The following ABCA13 variants were observed in gnomAD, a reference collection of about 807,000 sequenced individuals.
ABCA13 encodes the protein ATP binding cassette subfamily A member 13, also known as ATP-binding cassette sub-family A member 13.
Under a neutral mutation model 478.7 loss-of-function variants are expected in ABCA13, and 476 were observed. The ratio of observed to expected loss-of-function variants is 0.99; its 90% CI spans 0.92 to 1.07. The LOEUF (loss-of-function observed/expected upper bound fraction) is 1.07, where lower values mean the gene tolerates loss of function less well. Among genes scored for constraint, ABCA13 ranks in the 50% least tolerant of loss-of-function variants. The pLI is 0.00. For synonymous variants in ABCA13, 2,252 were observed against 2,158.9 expected (o/e 1.04, Z -1.20); for missense variants, 6,060 against 5,910.6 (o/e 1.03, Z -0.83).
intron 23 of ABCA13, among the ~76,000 whole-genome samples, chr7:48,308,916 G>A (rs1801321249): frequency 2.0e-5 from 3 of 147,516 alleles, no homozygotes; most frequent in Admixed American, 7.0e-5. Context: ...GCCAAGGTAT[G>A]TAGGAGGCTG....
In ABCA13 at chr7:48,288,048, A is replaced by AG. The variant is rs774809553; in HGVS notation, c.8929dup (p.Val2977GlyfsTer12). 3 of 1,613,872 alleles carry AG rather than the reference A, an allele frequency of 1.9e-6. No individual in the cohort carries two copies. Among genetic ancestry groups the AG allele is most frequent in the Non-Finnish European group, 2.5e-6 (3 of 1,179,886 alleles). On this transcript the variant is annotated frameshift_variant, in exon 20 of 62. Coordinates refer to ENST00000435803, the MANE Select transcript of ABCA13 (RefSeq NM_152701.5). LOFTEE classifies it high-confidence loss of function. ...GGCATCTCATTTTATCTGCTATACA[A>AG]GGGGTCACTTTGGCGCAGGACCACT...
chr7:48,596,585 C>T lies in ABCA13; in HGVS notation c.14744+1772C>T, dbSNP rs372021015. ...CAGCACGTTGGGAGGCCAAGGCGGGCGGATCACGAGGTCAGGAGATCAAGA... is the reference window on the plus strand; with the variant it reads ...CAGCACGTTGGGAGGCCAAGGCGGGTGGATCACGAGGTCAGGAGATCAAGA... On this transcript the variant is annotated intron_variant, in intron 58 of 61. Transcript: ENST00000435803. Among the ~76,000 whole-genome samples, 32 of 152,162 alleles carry T rather than the reference C, an allele frequency of 2.1e-4. No individual in the cohort carries two copies. The East Asian group carries it at 4.7e-3, about 22-fold the overall frequency.
chr7:48,381,333 A>G (rs547651897), intron 35 of ABCA13, among the ~76,000 whole-genome samples: 17 of 151,732 alleles, frequency 1.1e-4, no homozygotes, highest in Admixed American at 3.3e-4. Context: ...GCAGGTGAGA[A>G]ATTTCTCTCT....
At position 48,206,607 on chromosome 7, in the gene ABCA13, A is replaced by T. The variant is rs34972156; in HGVS notation, c.287+8247A>T. On this transcript the variant is annotated intron_variant, in intron 3 of 61. Coordinates refer to ENST00000435803, the MANE Select transcript of ABCA13 (RefSeq NM_152701.5). Reference sequence around the variant, plus strand: ...TTTTCTGTTTTTTTGGTTAATTTTTAAAAAAAATTTTGTTTCTGAATATAT... The same window carrying T: ...TTTTCTGTTTTTTTGGTTAATTTTTTAAAAAAATTTTGTTTCTGAATATAT... Among the ~76,000 whole-genome samples the T allele has an allele frequency of 3.5e-3, 504 of 143,068 alleles. 6 individuals are homozygous for T. Among genetic ancestry groups the T allele is most frequent in the African/African-American group, 9.8e-3 (389 of 39,844 alleles). The allele number at this position is 143,068 out of a possible 152,430, so 93.9% of individuals were successfully genotyped here.
intron 55 of ABCA13, among the ~76,000 whole-genome samples, chr7:48,535,664 TC>T (rs1052676859): frequency 2.0e-5 from 3 of 151,990 alleles, no homozygotes; most frequent in African/African-American, 7.3e-5. Context: ...GCTCAGACTC[TC>T]CTTTGGTGGG....
chr7:48,646,212 A>T lies in ABCA13; in HGVS notation c.*700A>T, dbSNP rs1220532327. The T allele has an allele frequency of 6.6e-6, 1 of 152,208 alleles. No individual in the cohort carries two copies. Among genetic ancestry groups the T allele is most frequent in the African/African-American group, 2.4e-5 (1 of 41,458 alleles). 9.4% of individuals were successfully genotyped at this position (152,208 alleles called of 1,614,324 possible). A position where few individuals can be genotyped will look rare whatever the true frequency, so the allele number is the denominator to read the frequency against. ...TTCTACCAGAATCTCCCAGGTTATA[A>T]TTTATGAGGGTAGAGAAATAAAATG... On this transcript the variant is annotated 3_prime_UTR_variant, in exon 62 of 62. Transcript: ENST00000435803.
chr7:48,444,095 C>T lies in ABCA13; in HGVS notation c.12566-10942C>T, dbSNP rs547836729. 2.6e-5 allele frequency among the ~76,000 whole-genome samples: 4 copies of T among 152,304 alleles called. No individual in the cohort carries two copies. The South Asian group carries it at 8.3e-4, about 32-fold the overall frequency. On this transcript the variant is annotated intron_variant, in intron 42 of 61. Coordinates refer to ENST00000435803, the MANE Select transcript of ABCA13 (RefSeq NM_152701.5). ...CTTTGCCAAGATGAATCCTTTCCCACCTTTGAAGGAAGAATTCATTGCTCT... is the reference window on the plus strand; with the variant it reads ...CTTTGCCAAGATGAATCCTTTCCCATCTTTGAAGGAAGAATTCATTGCTCT...
chr7:48,406,883 T>A (rs1327971590), intron 39 of ABCA13, among the ~76,000 whole-genome samples: 1 of 151,228 alleles, frequency 6.6e-6, no homozygotes, highest in Non-Finnish European at 1.5e-5. Context: ...AAAAAATAAA[T>A]AAATAAATAA....
At chr7:48,350,032 T>C (rs1208978592) in intron 29 of ABCA13, among the ~76,000 whole-genome samples, 1 of 152,196 alleles carries the variant, frequency 6.6e-6, no homozygotes, top group South Asian at 2.1e-4. Flanking sequence ...ATCCTCAGCC[T>C]TTTGCCCTGA....
rs989380210 is a variant in ABCA13, at chr7:48,278,084, A to T, written c.6900-10A>T. 94 of 1,007,682 alleles carry T rather than the reference A, an allele frequency of 9.3e-5. 1 individual carries two copies. The highest frequency in any genetic ancestry group is 1.2e-4 in the Non-Finnish European group (86 of 747,548). 62.4% of individuals were successfully genotyped at this position (1,007,682 alleles called of 1,614,324 possible). On this transcript the variant is annotated splice_polypyrimidine_tract_variant and intron_variant, in intron 17 of 61. Transcript: ENST00000435803. ...TTAAATTAAAAGTATATATATATAT[A>T]TATTTACAGTTTTGTCCCAAAAGAT... is the stretch of plus-strand genomic sequence containing the variant.
At chr7:48,637,004 C>G (rs1794690945) in intron 59 of ABCA13, among the ~76,000 whole-genome samples, 2 of 152,228 alleles carry the variant, frequency 1.3e-5, no homozygotes, top group South Asian at 4.1e-4. Flanking sequence ...TACATGGGAT[C>G]TGACTGGAGA....
In ABCA13 at chr7:48,626,856, T is replaced by G. The variant is rs1042501762; in HGVS notation, c.14837+11479T>G. 9 of 985,310 alleles carry G rather than the reference T, an allele frequency of 9.1e-6. No homozygotes were observed. In the African/African-American group the frequency reaches 1.6e-4, roughly 17 times the overall value. 61.0% of individuals were successfully genotyped at this position (985,310 alleles called of 1,614,324 possible). On this transcript the variant is annotated intron_variant, in intron 59 of 61. Coordinates refer to ENST00000435803, the MANE Select transcript of ABCA13 (RefSeq NM_152701.5). ...TTCCTAGGGACACTGATGGGCTGTT[T>G]GGAGAATTCCTACGAGGAAGGGCTG...
chr7:48,450,030 T>C (rs984941547), intron 42 of ABCA13, among the ~76,000 whole-genome samples: 1 of 152,226 alleles, frequency 6.6e-6, no homozygotes, highest in Non-Finnish European at 1.5e-5. Context: ...TGTTTACTTG[T>C]TTGACTCTAT....
At chr7:48,319,345 T>A (rs192650088) in intron 27 of ABCA13, among the ~76,000 whole-genome samples, 9 of 152,350 alleles carry the variant, frequency 5.9e-5, no homozygotes, top group Admixed American at 5.2e-4. Context: ...GGTATCCTGG[T>A]TTTGCACTTG....
chr7:48,296,560 C>T (rs769785753), intron 21 of ABCA13, among the ~76,000 whole-genome samples: 6 of 151,540 alleles, frequency 4.0e-5, no homozygotes, highest in Non-Finnish European at 7.4e-5. Flanking sequence ...CCCGGGTTCA[C>T]GCCATTCTCC....
chr7:48,561,159 G>T (rs895123439), intron 55 of ABCA13, among the ~76,000 whole-genome samples: 3 of 151,878 alleles, frequency 2.0e-5, no homozygotes, highest in African/African-American at 7.3e-5. Flanking sequence ...GGACATGCAG[G>T]TTGATTCCAT....
At chr7:48,328,361 G>A (rs1804650127) in intron 27 of ABCA13, among the ~76,000 whole-genome samples, 1 of 152,144 alleles carries the variant, frequency 6.6e-6, no homozygotes, top group African/African-American at 2.4e-5. Flanking sequence ...AGTTGTCCGT[G>A]GTTTGGTGAG....
intron 55 of ABCA13, among the ~76,000 whole-genome samples, chr7:48,568,888 C>T (rs556868122): frequency 4.4e-4 from 67 of 151,394 alleles, no homozygotes; most frequent in African/African-American, 1.5e-3. Flanking sequence ...GGAATTTGTC[C>T]GTGTTATCTA....
At chr7:48,336,475 G>A (rs1031451552) in intron 28 of ABCA13, among the ~76,000 whole-genome samples, 4 of 152,174 alleles carry the variant, frequency 2.6e-5, no homozygotes, top group Non-Finnish European at 4.4e-5. Context: ...GAGAGGGAGA[G>A]GGTCGGGTGG....
Sources: gnomAD v4.1 joint callset for allele counts (sites outside exome capture counted in the v4.1 genomes callset) on GRCh38, gnomAD v4.1.1 for gene constraint, MANE v1.5 for transcripts, NCBI Gene and HGNC (gene_info 2026-07-23, HGNC 2026-07-21) for gene names.